Variants in DHX29 observed in about 807,000 individuals in gnomAD.
The protein encoded by DHX29 is DExH-box helicase 29.
In DHX29, 79 loss-of-function variants were observed where a neutral mutation model predicts 167.9. That is an observed-to-expected ratio of 0.47 (90% confidence interval 0.39 to 0.57). The LOEUF (loss-of-function observed/expected upper bound fraction) is 0.57, where lower values mean the gene tolerates loss of function less well. DHX29 is among the 20% of genes least tolerant of loss of function. The probability of loss-of-function intolerance (pLI) is 0.00; values close to 1 mark genes in which losing one functional copy is unlikely to be tolerated. For synonymous variants in DHX29, 530 were observed against 546.0 expected (o/e 0.97, Z 0.41); for missense variants, 1,347 against 1,593.4 (o/e 0.85, Z 2.63).
rs865856124 is a variant in DHX29 at position 55,270,597 on chromosome 5, G to A, written c.2974C>T (p.Arg992Ter). Residue 992 changes from arginine to a stop codon, truncating the protein, a stop_gained, in exon 19 of 27, where the codon CGA becomes TGA. Transcript: ENST00000251636. LOFTEE classifies it high-confidence loss of function. ...AGRVRDGFCF[R>*]MYTRERFEGF... ...CCATACCTTTCTCTTGTGTACATTCGGAAACAGAAGCCATCTCTGACCCGC... is the reference window on the plus strand; with the variant it reads ...CCATACCTTTCTCTTGTGTACATTCAGAAACAGAAGCCATCTCTGACCCGC... 1.2e-6 allele frequency: 2 copies of A among 1,614,064 alleles called. No homozygotes were observed. Among genetic ancestry groups the A allele is most frequent in the East Asian group, 2.2e-5 (1 of 44,870 alleles).
chr5:55,260,730 A>AT (rs1197288787), intron 25 of DHX29, among the ~76,000 whole-genome samples: 1 of 152,224 alleles, frequency 6.6e-6, no homozygotes, highest in Non-Finnish European at 1.5e-5. Flanking sequence ...AACAGCTATC[A>AT]TAGAATAACC....
chr5:55,262,282 T>C (rs1746348022), intron 24 of DHX29, among the ~76,000 whole-genome samples: 1 of 152,184 alleles, frequency 6.6e-6, no homozygotes, highest in Non-Finnish European at 1.5e-5. Context: ...ATTCCCCTTA[T>C]TTGGAAATAG....
At chr5:55,306,331 C>T (rs1561176663) in intron 1 of DHX29, among the ~76,000 whole-genome samples, 3 of 152,288 alleles carry the variant, frequency 2.0e-5, no homozygotes, top group South Asian at 4.1e-4. Flanking sequence ...GTTCATTACG[C>T]CCGCCTGGAA....
At chr5:55,299,477 G>C (rs1320305083) in intron 1 of DHX29, among the ~76,000 whole-genome samples, 1 of 152,130 alleles carries the variant, frequency 6.6e-6, no homozygotes, top group Non-Finnish European at 1.5e-5. Context: ...CCACAAACTT[G>C]ATGGCTGAAT....
intron 16 of DHX29, 67 bp downstream of exon 16, chr5:55,274,547 G>T: frequency 8.5e-7 from 1 of 1,177,158 alleles, no homozygotes; most frequent in African/African-American, 1.6e-5. Flanking sequence ...TCTGATCAAG[G>T]GTTTTAATGT....
At position 55,256,495 on chromosome 5, in the gene DHX29, TTC is replaced by T. The variant is rs777812201; in HGVS notation, c.4101_4102del (p.Asn1368Ter). The T allele has an allele frequency of 4.4e-5, 71 of 1,595,800 alleles. No homozygotes were observed. The highest frequency in any genetic ancestry group is 5.7e-5 in the Non-Finnish European group (67 of 1,174,374). On this transcript the variant is annotated frameshift_variant, in exon 27 of 27. Coordinates refer to ENST00000251636, the MANE Select transcript of DHX29 (RefSeq NM_019030.4). LOFTEE classifies it high-confidence loss of function. Reference sequence around the variant, plus strand: ...TGACCATGAATTTCAGTTTCAGTTATTCTCTGTTTTTATCAATTCCGTAATGA... The same window carrying T: ...TGACCATGAATTTCAGTTTCAGTTATTCTGTTTTTATCAATTCCGTAATGA...
In DHX29 at chr5:55,270,579, T is replaced by G; in HGVS notation, c.2992A>C (p.Arg998=). Residue 998 remains arginine, a splice_region_variant and synonymous_variant, in exon 19 of 27, where the codon AGA becomes CGA. Coordinates refer to ENST00000251636, the MANE Select transcript of DHX29 (RefSeq NM_019030.4). ...TACATTTCCAGTGCTATGCCATACC[T>G]TTCTCTTGTGTACATTCGGAAACAG... is the stretch of plus-strand genomic sequence containing the variant. The part of the protein sequence containing the change: ...GFCFRMYTRE[R]FEGFMDYSVP... 1 of 1,614,158 alleles carries G rather than the reference T, an allele frequency of 6.2e-7. No individual in the cohort carries two copies.
At chr5:55,281,982 C>T (rs1235629804) in intron 11 of DHX29, among the ~76,000 whole-genome samples, 1 of 151,894 alleles carries the variant, frequency 6.6e-6, no homozygotes. Flanking sequence ...GATGAGGTTT[C>T]ACCATGTTGG....
At chr5:55,256,804 A>G (rs1746078873) in intron 26 of DHX29, among the ~76,000 whole-genome samples, 1 of 152,190 alleles carries the variant, frequency 6.6e-6, no homozygotes, top group Non-Finnish European at 1.5e-5. Flanking sequence ...CCCCAAAGAG[A>G]TAATATGATG....
Position 55,274,728 on chromosome 5 carries a change from T to C in DHX29, c.2576A>G (p.Lys859Arg), listed in dbSNP as rs1056356208. 1 of 1,581,978 alleles carries C rather than the reference T, an allele frequency of 6.3e-7. No individual in the cohort carries two copies. Among genetic ancestry groups the C allele is most frequent in the Non-Finnish European group, 8.5e-7 (1 of 1,170,008 alleles). Residue 859 changes from lysine to arginine, a missense_variant, in exon 16 of 27, where the codon AAA becomes AGA. Lys to Arg is a conservative substitution (Grantham distance 26). Around this residue, in one of 3 missense-constraint regions of DHX29, gnomAD observed 882 missense variants for 1,082.4 expected, o/e 0.81. Coordinates refer to ENST00000251636, the MANE Select transcript of DHX29 (RefSeq NM_019030.4). ...LILELLAYLDKSPQFRNIEGA... is the reference protein window; with the variant it reads ...LILELLAYLDRSPQFRNIEGA... The stretch of plus-strand genomic sequence containing the variant: ...TTCAATATTTCTGAATTGGGGACTT[T>C]TATCTGAAATTTTTAAAAAGATACA...
At chr5:55,260,014 G>A in intron 25 of DHX29, 70 bp from the exon 26 acceptor site, 1 of 814,476 alleles carries the variant, frequency 1.2e-6, no homozygotes, top group Non-Finnish European at 2.0e-6. Flanking sequence ...AGTAAATCAA[G>A]GCAAGCCTAT....
intron 1 of DHX29, 109 bp downstream of exon 1, chr5:55,307,278 G>A: frequency 1.1e-6 from 1 of 944,670 alleles, no homozygotes; most frequent in East Asian, 2.6e-5. Context: ...CGAGTGTTGG[G>A]AAATAGAAAT....
In DHX29 at chr5:55,307,686, G is replaced by T; in HGVS notation, c.-113C>A. 1 of 1,377,844 alleles carries T rather than the reference G, an allele frequency of 7.3e-7. No individual in the cohort carries two copies. Among genetic ancestry groups the T allele is most frequent in the Non-Finnish European group, 9.9e-7 (1 of 1,009,814 alleles). The allele number at this position is 1,377,844 out of a possible 1,614,324, so 85.4% of individuals were successfully genotyped here. The stretch of plus-strand genomic sequence containing the variant: ...GGGCTGCCACCCTGCGCTTCGATCC[G>T]GGCTTCTCGGGCCGGGGCGACCGCT... On this transcript the variant is annotated 5_prime_UTR_variant, in exon 1 of 27. Transcript: ENST00000251636.
chr5:55,281,057 G>A (rs1747377549), intron 12 of DHX29, among the ~76,000 whole-genome samples: 1 of 143,240 alleles, frequency 7.0e-6, no homozygotes, highest in Admixed American at 6.8e-5. Context: ...CATGCTATAT[G>A]TATATACACA....
At chr5:55,292,221 G>A (rs987815644) in intron 6 of DHX29, among the ~76,000 whole-genome samples, 4 of 152,008 alleles carry the variant, frequency 2.6e-5, no homozygotes, top group Non-Finnish European at 2.9e-5. Context: ...ACATCCTAAC[G>A]GGTGTGAAAT....
chr5:55,285,588 A>G, intron 9 of DHX29, 108 bp downstream of exon 9: 1 of 1,301,654 alleles, frequency 7.7e-7, no homozygotes, highest in Non-Finnish European at 1.0e-6. Context: ...TGTAGAATTG[A>G]GAGCTTCCTA....
At chr5:55,288,161 T>C (rs535505441) in intron 8 of DHX29, among the ~76,000 whole-genome samples, 3 of 152,046 alleles carry the variant, frequency 2.0e-5, no homozygotes, top group African/African-American at 7.2e-5. Flanking sequence ...GAGGATCACT[T>C]GAACCCGGGA....
intron 9 of DHX29, 132 bp downstream of exon 9, chr5:55,285,564 C>A (rs1030119887): frequency 2.4e-5 from 30 of 1,232,648 alleles, no homozygotes; most frequent in Non-Finnish European, 3.2e-5. Context: ...ATCTATCAGA[C>A]AATAAACCTG....
intron 18 of DHX29, 120 bp from the exon 19 acceptor site, chr5:55,270,826 C>T: frequency 1.5e-6 from 1 of 678,062 alleles, no homozygotes; most frequent in South Asian, 2.0e-5. Context: ...TTATTGTGGA[C>T]CAATAGTTCT....
Sources: allele counts gnomAD v4.1 joint callset (sites outside exome capture counted in the v4.1 genomes callset), GRCh38; gene constraint gnomAD v4.1.1; regional missense constraint gnomAD v4.1.1; transcripts MANE v1.5; gene names NCBI Gene and HGNC (gene_info 2026-07-23, HGNC 2026-07-21).